Variants in STARD13 observed in about 807,000 individuals in gnomAD.
The protein encoded by STARD13 is stAR-related lipid transfer protein 13.
In STARD13, 62 loss-of-function variants were observed where a neutral mutation model predicts 106.4. That is an observed-to-expected ratio of 0.58 (90% CI 0.48 to 0.72). STARD13 has a LOEUF of 0.72. Among genes scored for constraint, STARD13 ranks in the 30% least tolerant of loss-of-function variants. STARD13 has a pLI of 0.00. For missense variants in STARD13, 1,387 were observed against 1,424.0 expected, an observed-to-expected ratio of 0.97 and a Z score of 0.42; for synonymous variants, 565 against 553.0, an observed-to-expected ratio of 1.02 and a Z score of -0.31.
At chr13:33,604,984 G>A in the STARD13 span, among the ~76,000 whole-genome samples, 1 of 152,022 alleles carries the variant, frequency 6.6e-6, no homozygotes, top group African/African-American at 2.4e-5. Context: ...GCTCTCACCT[G>A]TAATCCTAGC....
chr13:33,416,723 T>C, the STARD13 span, among the ~76,000 whole-genome samples: 4 of 152,196 alleles, frequency 2.6e-5, no homozygotes, highest in Non-Finnish European at 4.4e-5. Context: ...ATGTAAATGC[T>C]AAAACTACAA....
intron 1 of STARD13, among the ~76,000 whole-genome samples, chr13:33,231,744 G>T (rs1395156494): frequency 6.6e-6 from 1 of 152,156 alleles, no homozygotes; most frequent in Non-Finnish European, 1.5e-5. Context: ...TCTGACTGCA[G>T]GTCCGGGGCA....
rs144036609 is a variant in STARD13 at position 33,106,406 on chromosome 13, G to A, written c.3224+352C>T. ...ACTGCACTCCAGCCTGGGTGACAGA[G>A]TGAGACCTTGTCTCAAAAAGAAACA... On this transcript the variant is annotated intron_variant, in intron 13 of 13. Transcript: ENST00000336934. Among the ~76,000 whole-genome samples the A allele has an allele frequency of 1.3e-3, 201 of 152,324 alleles. 2 individuals carry two copies. Among genetic ancestry groups the A allele is most frequent in the Admixed American group, 2.6e-3 (40 of 15,308 alleles).
chr13:33,626,106 TAGATAGACCATAGCTACATC>T, the STARD13 span, among the ~76,000 whole-genome samples: 1 of 152,220 alleles, frequency 6.6e-6, no homozygotes, highest in Non-Finnish European at 1.5e-5. Flanking sequence ...GCATTGTCTA[TAGATAGACCATAGCTACATC>T]AGAAACACAC....
chr13:33,566,178 T>A, the STARD13 span, among the ~76,000 whole-genome samples: 5 of 148,500 alleles, frequency 3.4e-5, no homozygotes, highest in Non-Finnish European at 6.0e-5. Context: ...CAATAAAATA[T>A]TTGGAGAGAG....
chr13:33,334,677 C>T (rs1340509498), intron 1 of STARD13, among the ~76,000 whole-genome samples: 4 of 152,132 alleles, frequency 2.6e-5, no homozygotes, highest in Admixed American at 2.6e-4. Context: ...TGGGCAGGAT[C>T]TAGGTAGGCA....
the STARD13 span, among the ~76,000 whole-genome samples, chr13:33,499,531 C>CTTTCT: frequency 4.8e-5 from 2 of 41,738 alleles, no homozygotes; most frequent in East Asian, 1.2e-3. Flanking sequence ...TCTTCTTCTT[C>CTTTCT]TTCTTCTTCT....
the STARD13 span, among the ~76,000 whole-genome samples, chr13:33,376,300 G>A: frequency 3.9e-5 from 6 of 152,148 alleles, no homozygotes; most frequent in African/African-American, 1.4e-4. Context: ...AAGTGCTGAG[G>A]ATACCTAAGT....
At chr13:33,153,554 G>A (rs138480822) in intron 3 of STARD13, among the ~76,000 whole-genome samples, 112 of 152,276 alleles carry the variant, frequency 7.4e-4, no homozygotes, top group African/African-American at 2.6e-3. Context: ...AGACCAGCAG[G>A]GGCGTTTGAC....
the STARD13 span, among the ~76,000 whole-genome samples, chr13:33,602,043 T>C: frequency 2.0e-5 from 3 of 151,900 alleles, no homozygotes; most frequent in African/African-American, 4.8e-5. Context: ...TCAGCAATAC[T>C]GGGGATGATA....
the STARD13 span, chr13:33,519,957 C>T: frequency 6.6e-6 from 1 of 152,148 alleles, no homozygotes; most frequent in Non-Finnish European, 1.5e-5. Context: ...AAAATGTATA[C>T]CTTGCTTTAC....
At chr13:33,367,017 A>G in the STARD13 span, among the ~76,000 whole-genome samples, 3 of 152,340 alleles carry the variant, frequency 2.0e-5, no homozygotes, top group Non-Finnish European at 4.4e-5. Flanking sequence ...AGAGAATACC[A>G]CTTAAGTATC....
chr13:33,305,906 G>T (rs1043029329), intron 1 of STARD13, among the ~76,000 whole-genome samples: 3 of 152,168 alleles, frequency 2.0e-5, no homozygotes, highest in African/African-American at 7.2e-5. Flanking sequence ...ACTGCTTAAA[G>T]CAATTTATAG....
chr13:33,491,429 A>G, the STARD13 span, among the ~76,000 whole-genome samples: 2 of 152,212 alleles, frequency 1.3e-5, no homozygotes, highest in Admixed American at 1.3e-4. Context: ...AAATTTCAAG[A>G]TTATTGTTTT....
chr13:33,299,220 A>G (rs186887529), intron 1 of STARD13, among the ~76,000 whole-genome samples: 2 of 152,308 alleles, frequency 1.3e-5, no homozygotes, highest in African/African-American at 4.8e-5. Context: ...ATGTTCACAC[A>G]ACAACAAAAT....
At chr13:33,559,466 A>G in the STARD13 span, among the ~76,000 whole-genome samples, 19 of 151,496 alleles carry the variant, frequency 1.3e-4, no homozygotes, top group Admixed American at 3.3e-4. Context: ...CTAACTCCCA[A>G]TGTGATGATA....
intron 1 of STARD13, among the ~76,000 whole-genome samples, chr13:33,283,524 A>C (rs1326292257): frequency 6.6e-6 from 1 of 152,232 alleles, no homozygotes. Flanking sequence ...TAATACAATA[A>C]ACTCAATAAA....
In STARD13 at chr13:33,129,068, C is replaced by T; in HGVS notation, c.1609G>A (p.Glu537Lys). The T allele has an allele frequency of 6.2e-7, 1 of 1,614,128 alleles. No individual in the cohort carries two copies. The highest frequency in any genetic ancestry group is 1.7e-5 in the Admixed American group (1 of 60,020). ...PSPNQITLDF[E>K]GNSVSEGRTT... ...CGACCTTCTGAGACAGAGTTACCTT[C>T]AAAATCTAAGGTGATCTGATTAGGA... The change falls in exon 5 of 14, where the codon GAA becomes AAA. Residue 537 changes from glutamate to lysine, a missense_variant. Coordinates refer to ENST00000336934, the MANE Select transcript of STARD13 (RefSeq NM_178006.4).
the STARD13 span, among the ~76,000 whole-genome samples, chr13:33,442,021 A>T: frequency 6.6e-6 from 1 of 152,244 alleles, no homozygotes; most frequent in African/African-American, 2.4e-5. Flanking sequence ...AGTGGTTCTG[A>T]CTTGGTCTGG....
Sources: gnomAD v4.1 joint callset for allele counts (sites outside exome capture counted in the v4.1 genomes callset) on GRCh38, gnomAD v4.1.1 for gene constraint, MANE v1.5 for transcripts, NCBI Gene and HGNC (gene_info 2026-07-23, HGNC 2026-07-21) for gene names.